BANP: variants seen among roughly 807,000 people sequenced by gnomAD.
BANP encodes BTG3 associated nuclear protein, also known as protein BANP.
A neutral mutation model predicts 68.1 loss-of-function variants in BANP; 11 were observed. The observed-to-expected ratio is 0.16, with a 90% confidence interval of 0.10 to 0.27. The LOEUF is 0.27. BANP is among the 10% of genes least tolerant of loss of function. BANP has a pLI of 1.00. For synonymous variants in BANP, 329 were observed against 303.2 expected (o/e 1.09, Z -0.88); for missense variants, 504 against 722.7 (o/e 0.70, Z 3.47).
rs1267043150 is a variant in BANP, at chr16:88,064,608, C to A, written c.1312-659C>A. Among the ~76,000 whole-genome samples the A allele has an allele frequency of 6.6e-6, 1 of 152,240 alleles. No individual in the cohort carries two copies. The highest frequency in any genetic ancestry group is 1.5e-5 in the Non-Finnish European group (1 of 68,042). On this transcript the variant is annotated intron_variant, in intron 11 of 13. Coordinates refer to ENST00000682872, the MANE Select transcript of BANP (RefSeq NM_001386991.1). This position sits in a 1 kb window ranked among gnomAD's most constrained non-coding sequence, Gnocchi z 4.5. ...TGGGCGCCTGTGTGGCACCACGTGGCACTCCCCGAGGAGGCCTGGGGACCC... is the reference window on the plus strand; with the variant it reads ...TGGGCGCCTGTGTGGCACCACGTGGAACTCCCCGAGGAGGCCTGGGGACCC...
chr16:87,954,470 G>C (rs2057637240), intron 1 of BANP, among the ~76,000 whole-genome samples: 1 of 152,232 alleles, frequency 6.6e-6, no homozygotes, highest in African/African-American at 2.4e-5. Flanking sequence ...GAGGAAGCTG[G>C]CGGAGAGCCC....
intron 1 of BANP, among the ~76,000 whole-genome samples, chr16:87,967,020 AG>A (rs2145316088): frequency 6.6e-6 from 1 of 152,318 alleles, no homozygotes; most frequent in South Asian, 2.1e-4. Context: ...GCACGGAAGA[AG>A]GGACAAGGCC....
At chr16:87,956,740 TGGGC>T (rs2058122555) in intron 1 of BANP, 1 of 152,096 alleles carries the variant, frequency 6.6e-6, no homozygotes, top group Non-Finnish European at 1.5e-5. Flanking sequence ...CACGTCCCGG[TGGGC>T]TCGCCTGGGA....
intron 11 of BANP, among the ~76,000 whole-genome samples, chr16:88,054,283 G>C (rs1439771099): frequency 1.2e-4 from 1 of 8,394 alleles, no homozygotes; most frequent in Non-Finnish European, 4.3e-4. Context: ...CTCTACCACT[G>C]TCATCTCCAT....
intron 4 of BANP, among the ~76,000 whole-genome samples, chr16:87,990,711 TTTCTC>T (rs1388302353): frequency 7.2e-5 from 11 of 152,200 alleles, no homozygotes; most frequent in African/African-American, 2.2e-4. Flanking sequence ...GTACATGTGA[TTTCTC>T]TTCCTGACTG....
chr16:88,058,638 C>T (rs1027354066), intron 11 of BANP, among the ~76,000 whole-genome samples: 4 of 152,160 alleles, frequency 2.6e-5, no homozygotes, highest in Admixed American at 6.5e-5. Flanking sequence ...TCTAAGGAGT[C>T]GCAGCCCCAG....
rs2085248781 is a variant in BANP, at chr16:88,057,088, G to C, written c.1312-8179G>C. On this transcript the variant is annotated intron_variant, in intron 11 of 13. Coordinates refer to ENST00000682872, the MANE Select transcript of BANP (RefSeq NM_001386991.1). This position sits in a 1 kb window ranked among gnomAD's most constrained non-coding sequence, Gnocchi z 4.6. ...ATGTGAGAACTTTTTCTGAATAAGGGAGTTTTGGTGATTCTTTGGGTGTTC... is the reference window on the plus strand; with the variant it reads ...ATGTGAGAACTTTTTCTGAATAAGGCAGTTTTGGTGATTCTTTGGGTGTTC... Among the ~76,000 whole-genome samples, 1 of 152,172 alleles carries C rather than the reference G, an allele frequency of 6.6e-6. No homozygotes were observed. Among genetic ancestry groups the C allele is most frequent in the Admixed American group, 6.5e-5 (1 of 15,282 alleles).
intron 4 of BANP, among the ~76,000 whole-genome samples, chr16:87,985,348 G>T (rs1342735738): frequency 6.6e-6 from 1 of 152,198 alleles, no homozygotes; most frequent in African/African-American, 2.4e-5. Context: ...GATCGTTCAC[G>T]TGTTACTCTG....
rs2058245525 is a variant in BANP at position 87,957,219 on chromosome 16, G to A, written c.-69+5704G>A. The A allele has an allele frequency of 6.6e-6, 1 of 152,290 alleles. No individual in the cohort carries two copies. The highest frequency in any genetic ancestry group is 2.4e-5 in the African/African-American group (1 of 41,452). The allele number at this position is 152,290 out of a possible 1,614,324, so 9.4% of individuals were successfully genotyped here. A position where few individuals can be genotyped will look rare whatever the true frequency, so the allele number is the denominator to read the frequency against. Reference sequence around the variant, plus strand: ...CTCTGGGGAAGGGGTCAGTGGTGGTGGAGGATGGCGCGGTGCTCCATTCGG... The same window carrying A: ...CTCTGGGGAAGGGGTCAGTGGTGGTAGAGGATGGCGCGGTGCTCCATTCGG... On this transcript the variant is annotated intron_variant, in intron 1 of 13. Coordinates refer to ENST00000682872, the MANE Select transcript of BANP (RefSeq NM_001386991.1). This position sits in a 1 kb window ranked among gnomAD's most constrained non-coding sequence, Gnocchi z 4.3.
chr16:88,072,247 G>GATGGC, intron 13 of BANP, 35 bp downstream of exon 13: 1 of 1,577,938 alleles, frequency 6.3e-7, no homozygotes, highest in South Asian at 1.1e-5. Flanking sequence ...ACACTGAAGT[G>GATGGC]ATGGCATGGC....
chr16:87,964,428 C>CGAGGCGTCCAG (rs1292580439), intron 1 of BANP, among the ~76,000 whole-genome samples: 6 of 149,222 alleles, frequency 4.0e-5, no homozygotes, highest in African/African-American at 1.5e-4. Context: ...TCACCGTTGC[C>CGAGGCGTCCAG]GAGGCGTCCA....
intron 1 of BANP, among the ~76,000 whole-genome samples, chr16:87,953,965 CTT>C (rs1272987895): frequency 6.6e-6 from 1 of 152,202 alleles, no homozygotes; most frequent in Non-Finnish European, 1.5e-5. Context: ...TGGATCTTCT[CTT>C]TGGTGTTAAT....
intron 1 of BANP, among the ~76,000 whole-genome samples, chr16:87,973,315 G>A (rs545136016): frequency 6.6e-6 from 1 of 151,928 alleles, no homozygotes; most frequent in South Asian, 2.1e-4. Flanking sequence ...CTAATCTTGT[G>A]TAAAGTTATA....
chr16:87,987,236 G>A (rs532093758), intron 4 of BANP, among the ~76,000 whole-genome samples: 41 of 152,092 alleles, frequency 2.7e-4, no homozygotes, highest in Non-Finnish European at 4.9e-4. Context: ...GCACCACGCC[G>A]CCTAGCTAAT....
chr16:87,963,210 C>G (rs926762277), intron 1 of BANP, among the ~76,000 whole-genome samples: 5 of 152,130 alleles, frequency 3.3e-5, no homozygotes, highest in Non-Finnish European at 7.3e-5. Flanking sequence ...GCTTGGTGGC[C>G]GTGGTCCCTT....
chr16:88,027,282 G>T (rs1044073249), intron 7 of BANP, among the ~76,000 whole-genome samples: 3 of 152,148 alleles, frequency 2.0e-5, no homozygotes, highest in African/African-American at 7.2e-5. Flanking sequence ...TTTATATCTC[G>T]TGGGGAGCCC....
At chr16:88,032,134 G>C (rs373747384) in intron 8 of BANP, among the ~76,000 whole-genome samples, 34 of 151,598 alleles carry the variant, frequency 2.2e-4, no homozygotes, top group Middle Eastern at 3.4e-3. Context: ...ATAATTTTAT[G>C]TCTTTCATTT....
chr16:88,047,473 G>C (rs1047962784), intron 11 of BANP, among the ~76,000 whole-genome samples: 12 of 152,222 alleles, frequency 7.9e-5, no homozygotes, highest in Non-Finnish European at 1.3e-4. Context: ...GTCAGGCTTG[G>C]TAGAATGGAA....
intron 11 of BANP, among the ~76,000 whole-genome samples, chr16:88,045,039 T>G (rs1410304706): frequency 1.3e-5 from 2 of 152,202 alleles, no homozygotes; most frequent in Non-Finnish European, 2.9e-5. Context: ...ATATTCTTCC[T>G]CATATTTTGA....
Sources: allele counts gnomAD v4.1 joint callset (sites outside exome capture counted in the v4.1 genomes callset), GRCh38; gene constraint gnomAD v4.1.1; non-coding constraint Gnocchi (gnomAD v3.1); transcripts MANE v1.5; gene names NCBI Gene and HGNC (gene_info 2026-07-23, HGNC 2026-07-21).